Variants in MEIS2 observed in about 807,000 individuals in gnomAD.
MEIS2 encodes the protein Meis homeobox 2.
A neutral mutation model predicts 58.6 loss-of-function variants in MEIS2; 9 were observed. The observed-to-expected ratio is 0.15, with a 90% CI of 0.09 to 0.27. The LOEUF is 0.27. MEIS2 is among the 10% of genes least tolerant of loss of function. The pLI, the probability that MEIS2 is intolerant of heterozygous loss-of-function variation, is 1.00. For synonymous variants in MEIS2, 221 were observed against 228.4 expected, an observed-to-expected ratio of 0.97 and a Z score of 0.29; for missense variants, 427 against 635.0, an observed-to-expected ratio of 0.67 and a Z score of 3.52.
chr15:37,083,781 G>A lies in MEIS2; in HGVS notation c.744C>T (p.Ser248=). The A allele has an allele frequency of 6.2e-7, 1 of 1,613,638 alleles. No individual in the cohort carries two copies. Residue 248 remains serine (S), a synonymous_variant, in exon 7 of 12, where the codon AGC becomes AGT. Transcript: ENST00000561208. The part of the protein sequence containing the change: ...GGHASQSGDN[S]SEQGDGLDNS... The stretch of plus-strand genomic sequence containing the variant: ...TGTTTGACCTTTTACCTTGCTCACT[G>A]CTGTTGTCTCCGCTCTGGGAAGCAT...
intron 9 of MEIS2, among the ~76,000 whole-genome samples, chr15:36,928,595 T>G (rs984100534): frequency 6.6e-6 from 1 of 152,222 alleles, no homozygotes; most frequent in Non-Finnish European, 1.5e-5. Flanking sequence ...GTATGCAAAC[T>G]ATTCTTCTAA....
At chr15:37,034,056 A>G (rs181603960) in intron 8 of MEIS2, among the ~76,000 whole-genome samples, 25 of 152,258 alleles carry the variant, frequency 1.6e-4, no homozygotes, top group African/African-American at 5.5e-4. Context: ...AAAGTAATGA[A>G]AGGGGCATGT....
intron 8 of MEIS2, among the ~76,000 whole-genome samples, chr15:36,982,193 A>G (rs906215880): frequency 1.3e-5 from 2 of 152,118 alleles, no homozygotes; most frequent in African/African-American, 4.8e-5. Context: ...GAGAATCCTG[A>G]CTGATACATA....
intron 8 of MEIS2, 64 bp downstream of exon 8, chr15:37,036,750 G>T: frequency 6.5e-7 from 1 of 1,547,866 alleles, no homozygotes; most frequent in South Asian, 1.2e-5. Context: ...ATCAGTATGA[G>T]ACCGTATAAC....
chr15:36,979,577 T>C lies in MEIS2; in HGVS notation c.901-29177A>G, dbSNP rs146092663. On this transcript the variant is annotated intron_variant, in intron 8 of 11. Coordinates refer to ENST00000561208, the MANE Select transcript of MEIS2 (RefSeq NM_170675.5). ...TCACTTGCATTTTTCACTAATGAAT[T>C]ACCTAGTGGAGTCATGTCAGACGCA... Among the ~76,000 whole-genome samples, 378 of 151,844 alleles carry C rather than the reference T, an allele frequency of 2.5e-3. 2 individuals carry two copies. Among genetic ancestry groups the C allele is most frequent in the African/African-American group, 8.8e-3 (365 of 41,468 alleles).
At chr15:36,933,824 C>T (rs1317182977) in intron 9 of MEIS2, among the ~76,000 whole-genome samples, 1 of 152,124 alleles carries the variant, frequency 6.6e-6, no homozygotes, top group Non-Finnish European at 1.5e-5. Context: ...GTAAGTAACT[C>T]ATAAGGGTGT....
At chr15:36,945,945 TTG>T in intron 9 of MEIS2, among the ~76,000 whole-genome samples, 1 of 152,104 alleles carries the variant, frequency 6.6e-6, no homozygotes, top group African/African-American at 2.4e-5. Flanking sequence ...ACCCTGTGTG[TTG>T]TGTTTGTTGG....
At chr15:36,904,938 A>G (rs1185681528) in intron 9 of MEIS2, among the ~76,000 whole-genome samples, 4 of 152,188 alleles carry the variant, frequency 2.6e-5, no homozygotes, top group Non-Finnish European at 4.4e-5. Context: ...CTGTCAGGCT[A>G]GAGATGCCCT....
chr15:36,955,583 T>C (rs1390212696), intron 8 of MEIS2, among the ~76,000 whole-genome samples: 1 of 152,176 alleles, frequency 6.6e-6, no homozygotes, highest in Non-Finnish European at 1.5e-5. Context: ...ATAAAACACC[T>C]ATAGAAGTTG....
chr15:36,912,159 A>G (rs2141269716), intron 9 of MEIS2, among the ~76,000 whole-genome samples: 1 of 90,378 alleles, frequency 1.1e-5, no homozygotes, highest in Middle Eastern at 4.9e-3. Flanking sequence ...GGTGCACACA[A>G]AAGTGAGGAG....
chr15:37,098,442 A>T (rs1053034867), intron 1 of MEIS2: 6 of 1,188,838 alleles, frequency 5.0e-6, no homozygotes, highest in Non-Finnish European at 6.4e-6. Context: ...AAATAAAAAC[A>T]AAGTCAGAAA....
intron 7 of MEIS2, among the ~76,000 whole-genome samples, chr15:37,045,663 G>A (rs529994103): frequency 9.2e-5 from 14 of 152,242 alleles, no homozygotes; most frequent in Middle Eastern, 3.4e-3. Context: ...GGAGGATGAG[G>A]GGCCAGCAGT....
At chr15:37,037,947 G>A (rs2062232360) in intron 7 of MEIS2, among the ~76,000 whole-genome samples, 1 of 152,158 alleles carries the variant, frequency 6.6e-6, no homozygotes, top group Admixed American at 6.5e-5. Context: ...TGAAGAATAC[G>A]GGGACAGCAC....
intron 8 of MEIS2, among the ~76,000 whole-genome samples, chr15:37,010,244 C>T (rs1338635670): frequency 2.0e-5 from 3 of 151,488 alleles, no homozygotes; most frequent in African/African-American, 7.3e-5. Context: ...CCCACCACCA[C>T]ACCTGGCTAA....
intron 7 of MEIS2, among the ~76,000 whole-genome samples, chr15:37,067,541 G>A (rs910594039): frequency 2.0e-5 from 3 of 151,324 alleles, no homozygotes; most frequent in African/African-American, 7.3e-5. Flanking sequence ...TTCAGACTCT[G>A]GTCTGCTGAG....
intron 8 of MEIS2, among the ~76,000 whole-genome samples, chr15:36,957,211 G>C (rs2059013186): frequency 6.6e-6 from 1 of 152,144 alleles, no homozygotes; most frequent in Non-Finnish European, 1.5e-5. Flanking sequence ...AATGACCATA[G>C]AGAGTAAATT....
At chr15:37,006,362 A>C (rs1347009388) in intron 8 of MEIS2, among the ~76,000 whole-genome samples, 1 of 152,230 alleles carries the variant, frequency 6.6e-6, no homozygotes, top group South Asian at 2.1e-4. Context: ...TCGTAACCAT[A>C]TAAATTAATT....
At chr15:36,912,198 G>C (rs2057062339) in intron 9 of MEIS2, among the ~76,000 whole-genome samples, 1 of 152,090 alleles carries the variant, frequency 6.6e-6, no homozygotes. Flanking sequence ...CTGGACAACA[G>C]TCCTGCAAAG....
At chr15:37,090,182 T>C (rs1188800016) in intron 6 of MEIS2, among the ~76,000 whole-genome samples, 2 of 152,062 alleles carry the variant, frequency 1.3e-5, no homozygotes, top group Non-Finnish European at 1.5e-5. Flanking sequence ...TATTATGTTA[T>C]AGTAAAAGAC....
Sources: gnomAD v4.1 joint callset for allele counts (sites outside exome capture counted in the v4.1 genomes callset) on GRCh38, gnomAD v4.1.1 for gene constraint, MANE v1.5 for transcripts, NCBI Gene and HGNC (gene_info 2026-07-23, HGNC 2026-07-21) for gene names.